Variants in E2F8 observed in about 807,000 individuals in gnomAD.
E2F8 encodes the protein transcription factor E2F8.
E2F8 carries 35 observed loss-of-function variants against 80.8 expected under a neutral mutation model. The observed-to-expected ratio is 0.43, with a 90% CI of 0.33 to 0.57. The LOEUF (loss-of-function observed/expected upper bound fraction) is 0.57. Ranked by LOEUF, E2F8 falls within the 20% of genes least tolerant of loss-of-function variation. The pLI, the probability that E2F8 is intolerant of heterozygous loss-of-function variation, is 0.04. For synonymous variants in E2F8, 386 were observed against 395.0 expected, an observed-to-expected ratio of 0.98 and a Z score of 0.27; for missense variants, 975 against 1,056.2, an observed-to-expected ratio of 0.92 and a Z score of 1.07.
At position 19,234,468 on chromosome 11, in the gene E2F8, C is replaced by G. The variant is rs141358919; in HGVS notation, c.820G>C (p.Val274Leu). 6.2e-7 allele frequency: 1 copy of G among 1,614,194 alleles called. No homozygotes were observed. Among genetic ancestry groups the G allele is most frequent in the Non-Finnish European group, 8.5e-7 (1 of 1,180,030 alleles). The change falls in exon 6 of 13, where the codon GTG (valine) becomes CTG (leucine). Residue 274 changes from valine to leucine, a missense_variant. Val to Leu is a conservative substitution (Grantham distance 32, BLOSUM62 1). Transcript: ENST00000250024. The stretch of plus-strand genomic sequence containing the variant: ...GGCGTTGACACCAAAAACAGCATCA[C>G]AAATTTCTGGCTCATTACCCTTAAA... Reference protein sequence around the residue: ...KSLRVMSQKFVMLFLVSTPQI... With the variant: ...KSLRVMSQKFLMLFLVSTPQI...
chr11:19,235,154 G>T, intron 4 of E2F8, 96 bp from the exon 5 acceptor site: 1 of 1,113,154 alleles, frequency 9.0e-7, no homozygotes, highest in Non-Finnish European at 1.3e-6. Flanking sequence ...AGTAGGTCTT[G>T]GATAATATCA....
chr11:19,234,457 A>G lies in E2F8; in HGVS notation c.831T>C (p.Phe277=). The G allele has an allele frequency of 6.2e-7, 1 of 1,614,220 alleles. No homozygotes were observed. The highest frequency in any genetic ancestry group is 8.5e-7 in the Non-Finnish European group (1 of 1,180,034). ...RVMSQKFVML[F]LVSTPQIVSL... ...TTACTATCTGAGGCGTTGACACCAA[A>G]AACAGCATCACAAATTTCTGGCTCA... The change falls in exon 6 of 13, where the codon TTT becomes TTC. Residue 277 remains phenylalanine (F), a synonymous_variant. Coordinates refer to ENST00000250024, the MANE Select transcript of E2F8 (RefSeq NM_024680.4).
In E2F8 at chr11:19,229,350, T is replaced by C. The variant is rs2133560350; in HGVS notation, c.1893+104A>G. 6.9e-7 allele frequency: 1 copy of C among 1,458,712 alleles called. No individual in the cohort carries two copies. The highest frequency in any genetic ancestry group is 1.8e-4 in the Middle Eastern group (1 of 5,506). 90.4% of individuals were successfully genotyped at this position (1,458,712 alleles called of 1,614,324 possible). On this transcript the variant is annotated intron_variant, in intron 10 of 12. Transcript: ENST00000250024. The surrounding 1 kb of genome is among the most constrained non-coding windows in gnomAD (Gnocchi z 4.3). Reference sequence around the variant, plus strand: ...TATGGGATGCTAAGGAACAGTTCCTTGTCTTCTGAGAGAATGCTCTTCGGT... The same window carrying C: ...TATGGGATGCTAAGGAACAGTTCCTCGTCTTCTGAGAGAATGCTCTTCGGT...
Position 19,230,241 on chromosome 11 carries a change from C to T in E2F8, c.1358G>A (p.Ser453Asn). Residue 453 changes from serine (S) to asparagine (N), a missense_variant and splice_region_variant, in exon 9 of 13, where the codon AGT becomes AAT. Physicochemically the swap from Ser to Asn is conservative, Grantham distance 46. Coordinates refer to ENST00000250024, the MANE Select transcript of E2F8 (RefSeq NM_024680.4). ...ICKMQLEEQS[S>N]ESRQKVKVQL... is the part of the protein sequence containing the mutation. ...TTATTAAAGAGGATTGCCAACCTAC[C>T]TTGATTGCTCTTCTAACTGCATTTT... 6.2e-7 allele frequency: 1 copy of T among 1,612,028 alleles called. No homozygotes were observed. The highest frequency in any genetic ancestry group is 8.5e-7 in the Non-Finnish European group (1 of 1,179,510).
At chr11:19,232,177 A>C in intron 7 of E2F8, 57 bp downstream of exon 7, 1 of 1,593,448 alleles carries the variant, frequency 6.3e-7, no homozygotes, top group Non-Finnish European at 8.5e-7. Context: ...GAAATTAAAA[A>C]TTAGAAAAAC....
At position 19,235,007 on chromosome 11, in the gene E2F8, T is replaced by C. The variant is rs1565071233; in HGVS notation, c.503A>G (p.His168Arg). ...YDIVNVLESL[H>R]MVSRLAKNRY... ...GTTTTTGGCGAGGCGGCTCACCATA[T>C]GTAAACTCTCTAGGACGTTCACGAT... The change falls in exon 5 of 13, where the codon CAT (histidine) becomes CGT (arginine). Residue 168 changes from histidine to arginine, a missense_variant. Physicochemically the swap from His to Arg is conservative, Grantham distance 29. Coordinates refer to ENST00000250024, the MANE Select transcript of E2F8 (RefSeq NM_024680.4). 1.2e-6 allele frequency: 2 copies of C among 1,614,210 alleles called. No homozygotes were observed. Among genetic ancestry groups the C allele is most frequent in the East Asian group, 4.5e-5 (2 of 44,886 alleles).
In E2F8 at chr11:19,230,831, G is replaced by C. The variant is rs187243133; in HGVS notation, c.1070C>G (p.Ser357Cys). ...GPEISPNTSG[S>C]SPVIHFTPSD... Reference sequence around the variant, plus strand: ...GGGAGTAAAATGAATGACTGGGCTGGAGCCTGAAACAGAAAACGTCTGTGT... The same window carrying C: ...GGGAGTAAAATGAATGACTGGGCTGCAGCCTGAAACAGAAAACGTCTGTGT... Residue 357 changes from serine to cysteine, a missense_variant, in exon 8 of 13, where the codon TCC becomes TGC. Physicochemically the swap from Ser to Cys is moderately radical, Grantham distance 112. Transcript: ENST00000250024. The C allele has an allele frequency of 1.8e-5, 29 of 1,614,026 alleles. No homozygotes were observed. Among genetic ancestry groups the C allele is most frequent in the South Asian group, 1.1e-5 (1 of 91,070 alleles).
In E2F8 at chr11:19,224,687, G is replaced by A. The variant is rs748123251; in HGVS notation, c.2575C>T (p.Leu859=). ...LGTLFVPQRK[L]EVSTEDVH ...TGGACATCCTCTGTTGAGACTTCCA[G>A]TTTTCGCTGTGGGACAAAGAGAGTT... Residue 859 remains leucine (L), a synonymous_variant, in exon 13 of 13, where the codon CTG becomes TTG. Transcript: ENST00000250024. 20 of 1,614,190 alleles carry A rather than the reference G, an allele frequency of 1.2e-5. No homozygotes were observed. The Admixed American group carries it at 2.8e-4, about 23-fold the overall frequency.
In E2F8 at chr11:19,234,521, G is replaced by C. The variant is rs547760174; in HGVS notation, c.767C>G (p.Ala256Gly). The stretch of plus-strand genomic sequence containing the variant: ...CTTGTCTTTGCGGCTGTTTACAGAA[G>C]CTTTAGAGAAGGATGAGGATTAGAG... ...VELPGVEFRA[A>G]SVNSRKDKSL... The change falls in exon 6 of 13, where the codon GCT becomes GGT. Residue 256 changes from alanine (A) to glycine (G), a missense_variant and splice_region_variant. Transcript: ENST00000250024. 1 of 1,612,724 alleles carries C rather than the reference G, an allele frequency of 6.2e-7. No homozygotes were observed. The highest frequency in any genetic ancestry group is 1.1e-5 in the South Asian group (1 of 90,520).
intron 4 of E2F8, among the ~76,000 whole-genome samples, chr11:19,235,400 G>A (rs183892266): frequency 7.2e-4 from 109 of 152,344 alleles, no homozygotes; most frequent in African/African-American, 2.6e-3. Context: ...TGTAATCCCA[G>A]CACCTTGGGA....
At chr11:19,225,188 A>G in intron 12 of E2F8, 33 bp downstream of exon 12, 1 of 1,591,792 alleles carries the variant, frequency 6.3e-7, no homozygotes, top group Non-Finnish European at 8.5e-7. Context: ...TAGTAATTCC[A>G]GGAAAAATTA....
At position 19,225,790 on chromosome 11, in the gene E2F8, A is replaced by G. The variant is rs1159204489; in HGVS notation, c.1968T>C (p.Gly656=). ...GGGAAAGAGCACTTGAGTTTTCTTT[A>G]CCAGACAAAATGGACTCTGCCCCCA... ...SSLGAESILS[G]KENSSALSPN... The change falls in exon 11 of 13, where the codon GGT becomes GGC. Residue 656 remains glycine (G), a synonymous_variant. Transcript: ENST00000250024. The G allele has an allele frequency of 3.7e-6, 6 of 1,613,906 alleles. No homozygotes were observed. The highest frequency in any genetic ancestry group is 4.2e-6 in the Non-Finnish European group (5 of 1,180,002).
At position 19,229,517 on chromosome 11, in the gene E2F8, G is replaced by A. The variant is rs139665641; in HGVS notation, c.1830C>T (p.Leu610=). 416 of 1,614,204 alleles carry A rather than the reference G, an allele frequency of 2.6e-4. 1 individual carries two copies. In the African/African-American group the frequency reaches 4.4e-3, roughly 17 times the overall value. ...GERGSKRASM[L]EDSGSKKKFK... is the part of the protein sequence containing the mutation. ...ATTTCTTTTTGGAACCACTGTCCTC[G>A]AGCATGCTTGCCCTCTTTGAGCCTC... The change falls in exon 10 of 13, where the codon CTC becomes CTT. Residue 610 remains leucine, a synonymous_variant. Transcript: ENST00000250024. The surrounding 1 kb of genome is among the most constrained non-coding windows in gnomAD (Gnocchi z 4.3).
chr11:19,224,919 C>T, intron 12 of E2F8, 79 bp from the exon 13 acceptor site: 2 of 1,522,296 alleles, frequency 1.3e-6, no homozygotes, highest in East Asian at 4.5e-5. Context: ...GAAGATTGGG[C>T]TGGATGAATG....
At chr11:19,226,803 T>G (rs1045415211) in intron 10 of E2F8, among the ~76,000 whole-genome samples, 1 of 152,224 alleles carries the variant, frequency 6.6e-6, no homozygotes, top group African/African-American at 2.4e-5. Flanking sequence ...TACTGCTTGC[T>G]CTAATGATAA....
intron 4 of E2F8, among the ~76,000 whole-genome samples, chr11:19,236,916 C>T (rs1415661614): frequency 6.6e-6 from 1 of 152,230 alleles, no homozygotes; most frequent in African/African-American, 2.4e-5. Context: ...AGGTCCTGTT[C>T]CCACTCACAG....
chr11:19,224,991 C>T (rs1019763199), intron 12 of E2F8, 151 bp from the exon 13 acceptor site: 23 of 1,147,298 alleles, frequency 2.0e-5, no homozygotes, highest in Non-Finnish European at 2.7e-5. Context: ...GTGAGTTTTA[C>T]ATTCTCAATT....
chr11:19,232,392 A>G (rs1276615962), intron 6 of E2F8, 21 bp from the exon 7 acceptor site: 4 of 1,589,226 alleles, frequency 2.5e-6, no homozygotes, highest in Non-Finnish European at 2.6e-6. Context: ...AAGTATATAT[A>G]CCACTTAATG....
In E2F8 at chr11:19,224,664, G is replaced by GAC. The variant is rs1851180218; in HGVS notation, c.2596_2597dup (p.His867SerfsTer9). ...CTAAGCCAACATCTGTTGATTAATG[G>GAC]ACATCCTCTGTTGAGACTTCCAGTT... is the stretch of plus-strand genomic sequence containing the variant. On this transcript the variant is annotated frameshift_variant, in exon 13 of 13. Coordinates refer to ENST00000250024, the MANE Select transcript of E2F8 (RefSeq NM_024680.4). LOFTEE classifies it high-confidence loss of function. 2 of 1,613,724 alleles carry GAC rather than the reference G, an allele frequency of 1.2e-6. No individual in the cohort carries two copies. Among genetic ancestry groups the GAC allele is most frequent in the Non-Finnish European group, 1.7e-6 (2 of 1,179,744 alleles).
Sources: gnomAD v4.1 joint callset for allele counts (sites outside exome capture counted in the v4.1 genomes callset) on GRCh38, gnomAD v4.1.1 for gene constraint, Gnocchi (gnomAD v3.1) non-coding constraint, MANE v1.5 for transcripts, NCBI Gene and HGNC (gene_info 2026-07-23, HGNC 2026-07-21) for gene names.